The following MID2 variants were observed in gnomAD, a reference collection of about 807,000 sequenced individuals.
MID2 encodes the protein midline 2.
Under a neutral mutation model 46.1 loss-of-function variants are expected in MID2, and 13 were observed. The ratio of observed to expected loss-of-function variants is 0.28; its 90% CI spans 0.18 to 0.45. The LOEUF (loss-of-function observed/expected upper bound fraction) is 0.45. Ranked by LOEUF, MID2 falls within the 20% of genes least tolerant of loss-of-function variation. The probability of loss-of-function intolerance (pLI) is 1.00; values close to 1 mark genes in which losing one functional copy is unlikely to be tolerated. For missense variants in MID2, 431 were observed against 575.4 expected, an observed-to-expected ratio of 0.75 and a Z score of 2.57; for synonymous variants, 199 against 212.3, an observed-to-expected ratio of 0.94 and a Z score of 0.55.
At chrX:107,889,230 A>C (rs1275920623) in intron 3 of MID2, among the ~76,000 whole-genome samples, 1 of 111,493 alleles carries the variant, frequency 9.0e-6, no homozygotes, top group Non-Finnish European at 1.9e-5. Flanking sequence ...GGTCTTTACA[A>C]TTTGGCATGA....
intron 3 of MID2, among the ~76,000 whole-genome samples, chrX:107,896,724 A>G (rs1465377262): frequency 8.9e-6 from 1 of 111,994 alleles, no homozygotes; most frequent in Non-Finnish European, 1.9e-5. Flanking sequence ...AATATTTGCA[A>G]TGGTTAACTC....
rs1933258862 is a variant in MID2 at position 107,930,233 on chromosome X, T to G, written c.*3160T>G. 8.9e-6 allele frequency among the ~76,000 whole-genome samples: 1 copy of G among 111,876 alleles called. No homozygotes were observed. Among genetic ancestry groups the G allele is most frequent in the Non-Finnish European group, 1.9e-5 (1 of 53,083 alleles). On this transcript the variant is annotated 3_prime_UTR_variant, in exon 10 of 10. Transcript: ENST00000262843. ...TCCTCTTGTACTCTCATGTTCGTAGTGATGTTTGTTACTTCCTGGGCAGAA... is the reference window on the plus strand; with the variant it reads ...TCCTCTTGTACTCTCATGTTCGTAGGGATGTTTGTTACTTCCTGGGCAGAA...
Position 107,905,620 on chromosome X carries a change from C to A in MID2, c.1067C>A (p.Ala356Asp). 1 of 1,192,860 alleles carries A rather than the reference C, an allele frequency of 8.4e-7. No homozygotes were observed. The highest frequency in any genetic ancestry group is 1.1e-6 in the Non-Finnish European group (1 of 887,067). The stretch of plus-strand genomic sequence containing the variant: ...TTTCTACAGTCTGCAAAAAATATTG[C>A]TGAGAGGTCAGTTCCTTATATTCTT... ...ARFLQSAKNI[A>D]ERVAMATASS... Residue 356 changes from alanine to aspartate, a missense_variant, in exon 5 of 10, where the codon GCT becomes GAT. Physicochemically the swap from Ala to Asp is moderately radical, Grantham distance 126. Transcript: ENST00000262843.
intron 3 of MID2, among the ~76,000 whole-genome samples, chrX:107,884,124 T>C (rs754166660): frequency 1.8e-5 from 2 of 112,348 alleles, no homozygotes; most frequent in South Asian, 7.3e-4. Flanking sequence ...GTTCCAAATC[T>C]ACCGCAAATA....
chrX:107,893,745 A>G (rs953022520), intron 3 of MID2, among the ~76,000 whole-genome samples: 1 of 112,076 alleles, frequency 8.9e-6, no homozygotes, highest in South Asian at 3.7e-4. Context: ...CGTACACTGA[A>G]CCTCATTTTA....
At chrX:107,847,281 T>C (rs1225543655) in intron 2 of MID2, among the ~76,000 whole-genome samples, 1 of 111,511 alleles carries the variant, frequency 9.0e-6, no homozygotes, top group African/African-American at 3.3e-5. Flanking sequence ...ACTTTGAACT[T>C]AGTAGGGGAG....
intron 3 of MID2, among the ~76,000 whole-genome samples, chrX:107,889,102 A>G (rs1413674726): frequency 2.7e-5 from 3 of 110,654 alleles, no homozygotes; most frequent in African/African-American, 9.9e-5. Context: ...TTTTAATTGG[A>G]GCATTTAGCC....
chrX:107,864,572 T>C (rs1460192281), intron 3 of MID2, among the ~76,000 whole-genome samples: 1 of 111,433 alleles, frequency 9.0e-6, no homozygotes, highest in African/African-American at 3.3e-5. Context: ...TACATGACCA[T>C]GTTTCAGGGT....
rs865776618 is a variant in MID2 at position 107,845,533 on chromosome X, T to A, written c.720+4148T>A. On this transcript the variant is annotated intron_variant, in intron 2 of 9. Transcript: ENST00000262843. ...CACACACACACACACACACTCTCTC[T>A]CTCTCTCTCTCTCTCTCTCTCTCTC... 5.4e-4 allele frequency among the ~76,000 whole-genome samples: 57 copies of A among 105,308 alleles called. 1 individual carries two copies. The highest frequency in any genetic ancestry group is 4.7e-3 in the Middle Eastern group (1 of 213). The allele number at this position is 105,308 out of a possible 115,157, so 91.4% of individuals were successfully genotyped here. A position where few individuals can be genotyped will look rare whatever the true frequency, so the allele number is the denominator to read the frequency against.
rs1933037578 is a variant in MID2, at chrX:107,919,858, A to G, written c.1435+2119A>G. On this transcript the variant is annotated intron_variant, in intron 7 of 9. Transcript: ENST00000262843. ...TATGTATTCCAAATCCTGTTCTTAT[A>G]CAATTGAATGTCTAAAACAAAAATA... Among the ~76,000 whole-genome samples, 7 of 112,005 alleles carry G rather than the reference A, an allele frequency of 6.2e-5. No individual in the cohort carries two copies. The Admixed American group carries it at 6.6e-4, about 11-fold the overall frequency.
chrX:107,886,639 G>T (rs2147852286), intron 3 of MID2, among the ~76,000 whole-genome samples: 1 of 112,020 alleles, frequency 8.9e-6, no homozygotes, highest in South Asian at 3.7e-4. Flanking sequence ...CTTTCAAGTA[G>T]TTTTTTCCAA....
intron 2 of MID2, among the ~76,000 whole-genome samples, chrX:107,849,083 C>T (rs936946417): frequency 1.8e-5 from 2 of 112,047 alleles, no homozygotes; most frequent in Non-Finnish European, 3.8e-5. Context: ...TATGCTCACC[C>T]CAAGGTTCAA....
chrX:107,876,813 A>G (rs1387989602), intron 3 of MID2, among the ~76,000 whole-genome samples: 1 of 112,126 alleles, frequency 8.9e-6, no homozygotes, highest in Non-Finnish European at 1.9e-5. Flanking sequence ...GGGTCATCTG[A>G]AAACTTGCCG....
chrX:107,866,639 T>G (rs1931964657), intron 3 of MID2, among the ~76,000 whole-genome samples: 1 of 112,032 alleles, frequency 8.9e-6, no homozygotes, highest in Admixed American at 9.5e-5. Flanking sequence ...AGGAATATAG[T>G]AGCAGGTGTA....
chrX:107,829,209 C>T (rs1931036824), intron 1 of MID2, among the ~76,000 whole-genome samples: 1 of 111,982 alleles, frequency 8.9e-6, no homozygotes, highest in Non-Finnish European at 1.9e-5. Flanking sequence ...CTTCCTTTAC[C>T]TTTTACTGAG....
chrX:107,876,194 C>A, intron 3 of MID2, among the ~76,000 whole-genome samples: 1 of 111,099 alleles, frequency 9.0e-6, no homozygotes, highest in Admixed American at 9.5e-5. Context: ...AAACCCTCTG[C>A]TTCTTTCCTA....
chrX:107,880,176 A>G (rs1260951304), intron 3 of MID2, among the ~76,000 whole-genome samples: 1 of 109,377 alleles, frequency 9.1e-6, no homozygotes, highest in Non-Finnish European at 1.9e-5. Context: ...TGGCTCTGTC[A>G]CCCAGGCTGG....
chrX:107,859,237 G>A (rs1412569354), intron 3 of MID2, among the ~76,000 whole-genome samples: 1 of 111,952 alleles, frequency 8.9e-6, no homozygotes, highest in Non-Finnish European at 1.9e-5. Context: ...ACACTGCTAT[G>A]GATGATTTCA....
At chrX:107,911,935 G>A (rs965626779) in intron 5 of MID2, among the ~76,000 whole-genome samples, 12 of 111,783 alleles carry the variant, frequency 1.1e-4, no homozygotes, top group Admixed American at 1.9e-4. Context: ...GGGAAAAGGA[G>A]CTGAGAGTTT....
Sources: gnomAD v4.1 joint callset for allele counts (sites outside exome capture counted in the v4.1 genomes callset) on GRCh38, gnomAD v4.1.1 for gene constraint, MANE v1.5 for transcripts, NCBI Gene and HGNC (gene_info 2026-07-23, HGNC 2026-07-21) for gene names.